The following TRMT1 variants were observed in gnomAD, a reference collection of about 807,000 sequenced individuals.
TRMT1 encodes the protein tRNA (guanine(26)-N(2))-dimethyltransferase.
In TRMT1, 63 loss-of-function variants were observed where a neutral mutation model predicts 75.4. The observed-to-expected ratio is 0.84, with a 90% CI of 0.68 to 1.03. The LOEUF (loss-of-function observed/expected upper bound fraction) is 1.03, where lower values mean the gene tolerates loss of function less well. TRMT1 is among the 50% of genes least tolerant of loss of function. The probability of loss-of-function intolerance (pLI) is 0.00; values close to 1 mark genes in which losing one functional copy is unlikely to be tolerated. For missense variants in TRMT1, 870 were observed against 905.3 expected (o/e 0.96, Z 0.50); for synonymous variants, 382 against 358.1 (o/e 1.07, Z -0.75).
intron 14 of TRMT1, among the ~76,000 whole-genome samples, chr19:13,106,479 T>C (rs934210184): frequency 1.3e-5 from 2 of 151,206 alleles, no homozygotes; most frequent in African/African-American, 4.9e-5. Flanking sequence ...CTGGTAATGC[T>C]AATTTTCTTT....
At chr19:13,113,035 C>T in intron 5 of TRMT1, 24 bp from the exon 6 acceptor site, 1 of 1,578,058 alleles carries the variant, frequency 6.3e-7, no homozygotes, top group South Asian at 1.2e-5. Context: ...GGGCCAGGTC[C>T]TCAGCCTCCC....
Position 13,116,247 on chromosome 19 carries a change from T to C in TRMT1, c.153A>G (p.Glu51=). Reference sequence around the variant, plus strand: ...CCTCGGTGACTGTCGTCTCCTGGACTTCACGTGGACGTTCTTCTCCGTAGG... The same window carrying C: ...CCTCGGTGACTGTCGTCTCCTGGACCTCACGTGGACGTTCTTCTCCGTAGG... ...TGPYGEERPR[E]VQETTVTEGA... The change falls in exon 2 of 17, where the codon GAA becomes GAG. Residue 51 remains glutamate (E), a synonymous_variant. Transcript: ENST00000357720. 1 of 1,614,192 alleles carries C rather than the reference T, an allele frequency of 6.2e-7. No homozygotes were observed. The highest frequency in any genetic ancestry group is 8.5e-7 in the Non-Finnish European group (1 of 1,180,034).
Position 13,112,906 on chromosome 19 carries a change from C to G in TRMT1, c.747G>C (p.Val249=). 1 of 1,613,150 alleles carries G rather than the reference C, an allele frequency of 6.2e-7. No homozygotes were observed. Among genetic ancestry groups the G allele is most frequent in the Non-Finnish European group, 8.5e-7 (1 of 1,179,466 alleles). The part of the protein sequence containing the change: ...ATFLDAAVQA[V]SEGGLLCVTC... Reference sequence around the variant, plus strand: ...CCATCCCCACCTCACCTCCTTCACTCACAGCCTGCACAGCTGCATCCAGGA... The same window carrying G: ...CCATCCCCACCTCACCTCCTTCACTGACAGCCTGCACAGCTGCATCCAGGA... Residue 249 remains valine, a synonymous_variant, in exon 6 of 17, where the codon GTG becomes GTC. Transcript: ENST00000357720.
intron 12 of TRMT1, among the ~76,000 whole-genome samples, chr19:13,108,487 T>A (rs1427638005): frequency 6.7e-6 from 1 of 149,972 alleles, no homozygotes; most frequent in South Asian, 2.1e-4. Context: ...GAGATGGGGT[T>A]TCGCCACGTT....
rs2019064991 is a variant in TRMT1, at chr19:13,109,866, A to G, written c.1107-28T>C. On this transcript the variant is annotated intron_variant, in intron 9 of 16. Transcript: ENST00000357720. ...AAACAGAGAGGGGTGGTTGGTGGGG[A>G]GGGAGGAAAACCCTGGGACTCCCCT... The G allele has an allele frequency of 2.5e-6, 4 of 1,613,848 alleles. No individual in the cohort carries two copies. The African/African-American group carries it at 5.3e-5, about 22-fold the overall frequency.
chr19:13,106,120 G>C (rs2018857481), intron 14 of TRMT1, among the ~76,000 whole-genome samples: 1 of 152,038 alleles, frequency 6.6e-6, no homozygotes, highest in African/African-American at 2.4e-5. Context: ...GAGTGCAGTG[G>C]TGCGATCGCC....
intron 14 of TRMT1, among the ~76,000 whole-genome samples, 174 bp from the exon 15 acceptor site, chr19:13,105,780 G>C (rs1245402471): frequency 6.6e-6 from 1 of 152,196 alleles, no homozygotes; most frequent in Non-Finnish European, 1.5e-5. Context: ...TGGGGTCTCG[G>C]CCAGGCACGG....
chr19:13,106,950 A>C (rs1164079331), intron 14 of TRMT1, among the ~76,000 whole-genome samples: 1 of 145,974 alleles, frequency 6.9e-6, no homozygotes, highest in Non-Finnish European at 1.5e-5. Flanking sequence ...CAGCCTCCCG[A>C]GTAGCTGGGA....
Position 13,109,759 on chromosome 19 carries a change from C to A in TRMT1, c.1176+10G>T. On this transcript the variant is annotated intron_variant, in intron 10 of 16. Transcript: ENST00000357720. ...CTCTTGCTCCTTTGCCTCCCCTGGC[C>A]TAGCCCTACCTGGTGTCGTTGCCCA... 2 of 1,614,140 alleles carry A rather than the reference C, an allele frequency of 1.2e-6. No individual in the cohort carries two copies. Among genetic ancestry groups the A allele is most frequent in the Non-Finnish European group, 1.7e-6 (2 of 1,180,016 alleles).
In TRMT1 at chr19:13,105,290, A is replaced by G. The variant is rs746433658; in HGVS notation, c.1810T>C (p.Phe604Leu). Residue 604 changes from phenylalanine to leucine, a missense_variant, in exon 16 of 17, where the codon TTT becomes CTT. Physicochemically the swap from Phe to Leu is conservative, Grantham distance 22. Coordinates refer to ENST00000357720, the MANE Select transcript of TRMT1 (RefSeq NM_001136035.4). ...ACCTCCTTAAACCTCTTGCAAGGAA[A>G]TGTCTTGAGCCGGGCAGCCCGCTGG... Reference protein sequence around the residue: ...VAQRAARLKTFPCKRFKEGTC... With the variant: ...VAQRAARLKTLPCKRFKEGTC... 1 of 1,613,878 alleles carries G rather than the reference A, an allele frequency of 6.2e-7. No homozygotes were observed. Among genetic ancestry groups the G allele is most frequent in the Admixed American group, 1.7e-5 (1 of 59,998 alleles).
At chr19:13,105,452 T>C (rs1039671257) in intron 15 of TRMT1, 35 bp downstream of exon 15, 2 of 1,613,776 alleles carry the variant, frequency 1.2e-6, no homozygotes, top group Middle Eastern at 3.3e-4. Flanking sequence ...CTTCTTTCCC[T>C]GGCTGAGCCC....
intron 14 of TRMT1, 111 bp downstream of exon 14, chr19:13,107,463 C>G (rs574492057): frequency 3.0e-6 from 4 of 1,324,380 alleles, no homozygotes; most frequent in Non-Finnish European, 4.2e-6. Context: ...TTGAATCTCA[C>G]TTGAAGAATG....
In TRMT1 at chr19:13,116,637, C is replaced by T; in HGVS notation, c.-33+16G>A. On this transcript the variant is annotated intron_variant, in intron 1 of 16. Coordinates refer to ENST00000357720, the MANE Select transcript of TRMT1 (RefSeq NM_001136035.4). ...CGAGTCCGAATCCCTCCCCGCGCTG[C>T]CTAGCCCGTCCTCACCTGCTCTCGT... 1 of 583,328 alleles carries T rather than the reference C, an allele frequency of 1.7e-6. No individual in the cohort carries two copies. The allele number at this position is 583,328 out of a possible 1,614,324, so 36.1% of individuals were successfully genotyped here.
chr19:13,109,307 A>G (rs1280945575), intron 12 of TRMT1, 74 bp downstream of exon 12: 12 of 1,555,032 alleles, frequency 7.7e-6, no homozygotes, highest in Non-Finnish European at 1.1e-5. Context: ...AGTTCTATGC[A>G]TGAGAATCCC....
intron 7 of TRMT1, among the ~76,000 whole-genome samples, chr19:13,111,550 ATTTTTT>A (rs35140536): frequency 1.6e-5 from 2 of 124,548 alleles, no homozygotes; most frequent in African/African-American, 6.2e-5. Context: ...CGCCCAGCTA[ATTTTTT>A]TTTTTTTTTT....
rs1453019125 is a variant in TRMT1 at position 13,109,855 on chromosome 19, G to A, written c.1107-17C>T. On this transcript the variant is annotated splice_polypyrimidine_tract_variant and intron_variant, in intron 9 of 16. Coordinates refer to ENST00000357720, the MANE Select transcript of TRMT1 (RefSeq NM_001136035.4). ...AACTTGGCCCTAAACAGAGAGGGGT[G>A]GTTGGTGGGGAGGGAGGAAAACCCT... is the stretch of plus-strand genomic sequence containing the variant. 6 of 1,614,100 alleles carry A rather than the reference G, an allele frequency of 3.7e-6. No homozygotes were observed. The highest frequency in any genetic ancestry group is 5.1e-6 in the Non-Finnish European group (6 of 1,180,010).
At chr19:13,105,741 A>G in intron 14 of TRMT1, 135 bp from the exon 15 acceptor site, 1 of 955,468 alleles carries the variant, frequency 1.0e-6, no homozygotes, top group Admixed American at 2.9e-5. Flanking sequence ...TCATTCATCT[A>G]ATAAACATTT....
chr19:13,116,186 C>T lies in TRMT1; in HGVS notation c.214G>A (p.Val72Ile), dbSNP rs1430335924. The T allele has an allele frequency of 2.2e-5, 36 of 1,614,024 alleles. No homozygotes were observed. Among genetic ancestry groups the T allele is most frequent in the Non-Finnish European group, 3.0e-5 (35 of 1,180,032 alleles). ...AATTCCTGCACCGGGTTATAAAAGA[C>T]CTCGTTGGCACTGGGAAAGGCGATT... ...AKIAFPSANE[V>I]FYNPVQEFNR... The change falls in exon 2 of 17, where the codon GTC (valine) becomes ATC (isoleucine). Residue 72 changes from valine (V) to isoleucine (I), a missense_variant. By Grantham distance (29) the Val-to-Ile change is conservative. Coordinates refer to ENST00000357720, the MANE Select transcript of TRMT1 (RefSeq NM_001136035.4).
At chr19:13,111,461 G>A (rs1464580279) in intron 7 of TRMT1, among the ~76,000 whole-genome samples, 2 of 139,460 alleles carry the variant, frequency 1.4e-5, no homozygotes, top group Admixed American at 1.5e-4. Context: ...TCGGCTCACC[G>A]CAACCTCCAC....
Sources: allele counts gnomAD v4.1 joint callset (sites outside exome capture counted in the v4.1 genomes callset), GRCh38; gene constraint gnomAD v4.1.1; transcripts MANE v1.5; gene names NCBI Gene and HGNC (gene_info 2026-07-23, HGNC 2026-07-21).